The following FGFR2 variants were observed in gnomAD, a reference collection of about 807,000 sequenced individuals.
The protein encoded by FGFR2 is BEK fibroblast growth factor receptor.
FGFR2 carries 19 observed loss-of-function variants against 95.9 expected under a neutral mutation model. The ratio of observed to expected loss-of-function variants is 0.20; its 90% CI spans 0.14 to 0.29. FGFR2 has a LOEUF of 0.29. Ranked by LOEUF, FGFR2 falls within the 10% of genes least tolerant of loss-of-function variation. The pLI, the probability that FGFR2 is intolerant of heterozygous loss-of-function variation, is 1.00. For synonymous variants in FGFR2, 392 were observed against 393.3 expected (o/e 1.00, Z 0.04); for missense variants, 707 against 1,056.9 (o/e 0.67, Z 4.59).
chr10:121,564,300 G>C, intron 4 of FGFR2: 1 of 604,268 alleles, frequency 1.7e-6, no homozygotes, highest in Non-Finnish European at 3.0e-6. Flanking sequence ...GACACGAGAA[G>C]AAAGGACAAA....
At chr10:121,508,299 G>A (rs1024847612) in intron 9 of FGFR2, among the ~76,000 whole-genome samples, 1 of 152,194 alleles carries the variant, frequency 6.6e-6, no homozygotes, top group Admixed American at 6.5e-5. Flanking sequence ...GCCAAGGATG[G>A]GCTGGGGTTC....
chr10:121,559,942 T>C (rs1166723836), intron 4 of FGFR2, among the ~76,000 whole-genome samples: 1 of 152,206 alleles, frequency 6.6e-6, no homozygotes, highest in African/African-American at 2.4e-5. Context: ...TAACCTGCTA[T>C]TAGGCAGGTA....
intron 9 of FGFR2, among the ~76,000 whole-genome samples, chr10:121,514,793 G>T (rs1028664963): frequency 2.0e-5 from 3 of 152,168 alleles, no homozygotes; most frequent in African/African-American, 7.2e-5. Context: ...CTAAAGCTTC[G>T]AAGAGACCGC....
chr10:121,569,776 T>TA (rs1858303360), intron 2 of FGFR2, among the ~76,000 whole-genome samples: 1 of 152,188 alleles, frequency 6.6e-6, no homozygotes. Flanking sequence ...GCTGTCTTGG[T>TA]AAACTGAGAA....
intron 4 of FGFR2, among the ~76,000 whole-genome samples, chr10:121,561,199 C>A (rs1200180443): frequency 6.6e-6 from 1 of 152,002 alleles, no homozygotes; most frequent in Non-Finnish European, 1.5e-5. Flanking sequence ...CCGAGGCAGG[C>A]AGATCACCTG....
chr10:121,501,640 C>T (rs1007914120), intron 10 of FGFR2, among the ~76,000 whole-genome samples: 4 of 152,108 alleles, frequency 2.6e-5, no homozygotes, highest in Admixed American at 6.5e-5. Context: ...ACCAACAAAA[C>T]GCAAAAGTCT....
At chr10:121,534,091 CTTTTTTTTTT>C (rs1022674124) in intron 6 of FGFR2, among the ~76,000 whole-genome samples, 2 of 92,118 alleles carry the variant, frequency 2.2e-5, no homozygotes, top group Non-Finnish European at 3.9e-5. Flanking sequence ...CCCAAAATGG[CTTTTTTTTTT>C]TTTTTTTTTT....
intron 4 of FGFR2, among the ~76,000 whole-genome samples, chr10:121,558,614 T>G (rs969025472): frequency 1.3e-5 from 2 of 151,874 alleles, no homozygotes; most frequent in Non-Finnish European, 1.5e-5. Context: ...TTTTTTGTTT[T>G]TTTTTTTTTT....
Position 121,488,451 on chromosome 10 carries a change from G to A in FGFR2, c.1864-338C>T, listed in dbSNP as rs748202751. On this transcript the variant is annotated intron_variant, in intron 13 of 17. Coordinates refer to ENST00000358487, the MANE Select transcript of FGFR2 (RefSeq NM_000141.5). ...AGCTACTCAGGAGGCTGAGGCACAAGAATCACTTGAACCTGGGAGACAGAG... is the reference window on the plus strand; with the variant it reads ...AGCTACTCAGGAGGCTGAGGCACAAAAATCACTTGAACCTGGGAGACAGAG... Among the ~76,000 whole-genome samples, 59 of 147,058 alleles carry A rather than the reference G, an allele frequency of 4.0e-4. 2 individuals carry two copies. Among genetic ancestry groups the A allele is most frequent in the Non-Finnish European group, 8.2e-4 (55 of 67,420 alleles).
chr10:121,570,881 C>T (rs183797399), intron 2 of FGFR2, among the ~76,000 whole-genome samples: 220 of 152,358 alleles, frequency 1.4e-3, no homozygotes, highest in African/African-American at 5.0e-3. Flanking sequence ...CTGCCGTGGC[C>T]ACACTACTGC....
intron 2 of FGFR2, among the ~76,000 whole-genome samples, chr10:121,581,444 A>AG (rs1187373413): frequency 6.6e-6 from 1 of 152,000 alleles, no homozygotes; most frequent in Non-Finnish European, 1.5e-5. Flanking sequence ...CACCTCCTTA[A>AG]GGGGAAGACC....
intron 4 of FGFR2, among the ~76,000 whole-genome samples, chr10:121,554,620 C>T (rs1855870975): frequency 6.6e-6 from 1 of 151,826 alleles, no homozygotes; most frequent in African/African-American, 2.4e-5. Flanking sequence ...ATCCACCTGC[C>T]TCAGCCTCCC....
intron 17 of FGFR2, chr10:121,482,122 C>A (rs1844821923): frequency 1.3e-6 from 2 of 1,592,036 alleles, no homozygotes; most frequent in Non-Finnish European, 1.7e-6. Context: ...CAGGCATGAG[C>A]CACTGCGCCT....
At chr10:121,503,696 T>G in intron 10 of FGFR2, 94 bp downstream of exon 10, 2 of 1,412,774 alleles carry the variant, frequency 1.4e-6, no homozygotes, top group Non-Finnish European at 2.0e-6. Flanking sequence ...ACCAAGACCT[T>G]TGTGGCTAAG....
chr10:121,577,178 T>TATATATATATAGAG, intron 2 of FGFR2, among the ~76,000 whole-genome samples: 18 of 5,210 alleles, frequency 3.5e-3, no homozygotes, highest in East Asian at 7.9e-3. Flanking sequence ...TATATATATA[T>TATATATATATAGAG]AGAGAGAGAG....
chr10:121,538,830 A>G (rs1853258283), intron 5 of FGFR2, 115 bp from the exon 6 acceptor site: 4 of 1,338,100 alleles, frequency 3.0e-6, no homozygotes, highest in South Asian at 1.2e-5. Flanking sequence ...TGGAAGAATC[A>G]CCTAAATTCT....
chr10:121,591,164 G>C (rs187470848), intron 2 of FGFR2, among the ~76,000 whole-genome samples: 3 of 152,276 alleles, frequency 2.0e-5, no homozygotes, highest in Admixed American at 2.0e-4. Flanking sequence ...AGAAGAACTG[G>C]TCTTAGGGCT....
intron 9 of FGFR2, 126 bp downstream of exon 9, chr10:121,514,991 T>A: frequency 1.1e-6 from 1 of 899,386 alleles, no homozygotes. Context: ...CCGCCAAGCA[T>A]CACACCAGAA....
At chr10:121,575,341 A>G (rs1859546151) in intron 2 of FGFR2, among the ~76,000 whole-genome samples, 1 of 152,134 alleles carries the variant, frequency 6.6e-6, no homozygotes, top group African/African-American at 2.4e-5. Context: ...TTTTGTCAGT[A>G]TCCCTCTTGC....
Sources: allele counts gnomAD v4.1 joint callset (sites outside exome capture counted in the v4.1 genomes callset), GRCh38; gene constraint gnomAD v4.1.1; transcripts MANE v1.5; gene names NCBI Gene and HGNC (gene_info 2026-07-23, HGNC 2026-07-21).